The following DSCAML1 variants were observed in gnomAD, a reference collection of about 807,000 sequenced individuals.
DSCAML1 encodes the protein cell adhesion molecule DSCAML1.
Under a neutral mutation model 200.5 loss-of-function variants are expected in DSCAML1, and 38 were observed. The ratio of observed to expected loss-of-function variants is 0.19; its 90% CI spans 0.15 to 0.25. The LOEUF (loss-of-function observed/expected upper bound fraction) is 0.25. Ranked by LOEUF, DSCAML1 falls within the 10% of genes least tolerant of loss-of-function variation. DSCAML1 has a pLI of 1.00. For synonymous variants in DSCAML1, 1,215 were observed against 1,165.0 expected (o/e 1.04, Z -0.87); for missense variants, 2,223 against 2,858.8 (o/e 0.78, Z 5.07).
At chr11:117,601,882 G>A (rs2051472061) in intron 3 of DSCAML1, among the ~76,000 whole-genome samples, 1 of 152,226 alleles carries the variant, frequency 6.6e-6, no homozygotes, top group Non-Finnish European at 1.5e-5. Flanking sequence ...GGGACCCGAG[G>A]GGTCTAGGCC....
chr11:117,505,484 C>T lies in DSCAML1; in HGVS notation c.2032G>A (p.Val678Met), dbSNP rs1167452831. 3.1e-6 allele frequency: 5 copies of T among 1,612,266 alleles called. No individual in the cohort carries two copies. Among genetic ancestry groups the T allele is most frequent in the Non-Finnish European group, 4.2e-6 (5 of 1,179,986 alleles). The part of the protein sequence containing the change: ...TCIASNAAAT[V>M]SRERQLIVRV... ...ACGATGAGCTGGCGCTCCCGGCTCACGGTGGCGGCTGCGTTGCTGGCGATG... is the reference window on the plus strand; with the variant it reads ...ACGATGAGCTGGCGCTCCCGGCTCATGGTGGCGGCTGCGTTGCTGGCGATG... The change falls in exon 9 of 33, where the codon GTG becomes ATG. Residue 678 changes from valine (V) to methionine (M), a missense_variant. Val to Met is a conservative substitution (Grantham distance 21, BLOSUM62 1). Coordinates refer to ENST00000651296, the MANE Select transcript of DSCAML1 (RefSeq NM_020693.4). The surrounding 1 kb of genome is among the most constrained non-coding windows in gnomAD (Gnocchi z 6.7).
rs371788784 is a variant in DSCAML1, at chr11:117,740,365, T to C, written c.511+36426A>G. ...ATACTCTTTCCCCATTAGTGTTCTATCTACATCTAACATTAAGGTGACCAA... is the reference window on the plus strand; with the variant it reads ...ATACTCTTTCCCCATTAGTGTTCTACCTACATCTAACATTAAGGTGACCAA... On this transcript the variant is annotated intron_variant, in intron 3 of 32. Coordinates refer to ENST00000651296, the MANE Select transcript of DSCAML1 (RefSeq NM_020693.4). Among the ~76,000 whole-genome samples, 3 of 152,322 alleles carry C rather than the reference T, an allele frequency of 2.0e-5. No individual in the cohort carries two copies. In the East Asian group the frequency reaches 5.8e-4, roughly 29 times the overall value.
chr11:117,560,993 T>C (rs475422), intron 3 of DSCAML1, among the ~76,000 whole-genome samples: 34,418 of 152,022 alleles, frequency 0.23, 4,159 homozygotes, highest in South Asian at 0.44. Context: ...GGGATAGAGA[T>C]GGAGGGCGGG....
chr11:117,431,548 A>G lies in DSCAML1; in HGVS notation c.5360T>C (p.Leu1787Pro). 2 of 1,582,142 alleles carry G rather than the reference A, an allele frequency of 1.3e-6. No individual in the cohort carries two copies. The highest frequency in any genetic ancestry group is 1.7e-6 in the Non-Finnish European group (2 of 1,162,022). Reference protein sequence around the residue: ...VTESDSYSASLSQDTDKGRNS... With the variant: ...VTESDSYSASPSQDTDKGRNS... ...CTTAGGCACACCTGTGTCCTGGGAC[A>G]GGCTGGCACTGTAGCTGTCACTCTC... The change falls in exon 31 of 33, where the codon CTG (leucine) becomes CCG (proline). Residue 1787 changes from leucine (L) to proline (P), a missense_variant. This residue lies in a region of DSCAML1 where 96 missense variants were observed against 160.7 expected (regional missense o/e 0.60). Transcript: ENST00000651296.
intron 3 of DSCAML1, among the ~76,000 whole-genome samples, chr11:117,602,223 A>T (rs1248723346): frequency 6.6e-6 from 1 of 152,208 alleles, no homozygotes; most frequent in African/African-American, 2.4e-5. Context: ...AAGGTGTCTG[A>T]CTTGGTGCCA....
chr11:117,482,484 A>G (rs1433895657), intron 11 of DSCAML1, among the ~76,000 whole-genome samples: 1 of 152,254 alleles, frequency 6.6e-6, no homozygotes, highest in Admixed American at 6.5e-5. Context: ...TATTAAAAAC[A>G]TGAACAAGCA....
At chr11:117,558,126 AGT>A (rs1369630132) in intron 3 of DSCAML1, among the ~76,000 whole-genome samples, 1 of 152,146 alleles carries the variant, frequency 6.6e-6, no homozygotes, top group Non-Finnish European at 1.5e-5. Context: ...AGGTTTAGCC[AGT>A]GTCTCCCAGG....
rs189837053 is a variant in DSCAML1 at position 117,442,485 on chromosome 11, G to T, written c.3862+1401C>A. Among the ~76,000 whole-genome samples, 4 of 152,172 alleles carry T rather than the reference G, an allele frequency of 2.6e-5. No homozygotes were observed. The East Asian group carries it at 7.7e-4, about 29-fold the overall frequency. ...CGTGCATATGCATGTGTTTGTGCGT[G>T]TGCACATGTATGAGTGTGCAGTGTG... On this transcript the variant is annotated intron_variant, in intron 21 of 32. Transcript: ENST00000651296.
intron 3 of DSCAML1, among the ~76,000 whole-genome samples, chr11:117,646,868 C>T (rs1415122920): frequency 6.7e-6 from 1 of 148,422 alleles, no homozygotes; most frequent in Non-Finnish European, 1.5e-5. Context: ...AAAAAAAAAA[C>T]AAATCCAGAA....
chr11:117,537,121 A>G (rs2050186291), intron 3 of DSCAML1, among the ~76,000 whole-genome samples: 1 of 120,482 alleles, frequency 8.3e-6, no homozygotes, highest in Non-Finnish European at 1.7e-5. Flanking sequence ...CTCTCCTAGA[A>G]TGACAGCACC....
intron 2 of DSCAML1, among the ~76,000 whole-genome samples, chr11:117,778,232 T>C (rs1268941544): frequency 1.3e-5 from 2 of 152,306 alleles, no homozygotes; most frequent in Non-Finnish European, 2.9e-5. Flanking sequence ...GAGGCACTGG[T>C]GGCTCTGTGG....
intron 3 of DSCAML1, among the ~76,000 whole-genome samples, chr11:117,757,414 G>A (rs1355477084): frequency 6.6e-6 from 1 of 152,002 alleles, no homozygotes; most frequent in Non-Finnish European, 1.5e-5. Context: ...AAGGGGTGCT[G>A]GATATCCCAA....
At position 117,763,545 on chromosome 11, in the gene DSCAML1, C is replaced by A. The variant is rs558731510; in HGVS notation, c.511+13246G>T. On this transcript the variant is annotated intron_variant, in intron 3 of 32. Coordinates refer to ENST00000651296, the MANE Select transcript of DSCAML1 (RefSeq NM_020693.4). ...CAAAATCTTCACTGGCTCCCCATTG[C>A]CCTTCGATACATACAACTCACGCAG... 8.5e-5 allele frequency among the ~76,000 whole-genome samples: 13 copies of A among 152,276 alleles called. No homozygotes were observed. In the South Asian group the frequency reaches 2.7e-3, roughly 32 times the overall value.
intron 14 of DSCAML1, among the ~76,000 whole-genome samples, chr11:117,472,710 G>C (rs193078837): frequency 1.3e-5 from 2 of 152,122 alleles, no homozygotes; most frequent in African/African-American, 4.8e-5. Context: ...TCTATCTCAC[G>C]GCTGATGTTT....
chr11:117,542,904 G>C (rs1378370735), intron 3 of DSCAML1, among the ~76,000 whole-genome samples: 2 of 152,202 alleles, frequency 1.3e-5, no homozygotes, highest in Non-Finnish European at 2.9e-5. Context: ...CTCCAACCCT[G>C]CTGCCAGGAA....
rs1466830874 is a variant in DSCAML1 at position 117,678,409 on chromosome 11, T to C, written c.511+98382A>G. Among the ~76,000 whole-genome samples, 5 of 152,358 alleles carry C rather than the reference T, an allele frequency of 3.3e-5. No homozygotes were observed. In the East Asian group the frequency reaches 5.8e-4, roughly 18 times the overall value. On this transcript the variant is annotated intron_variant, in intron 3 of 32. Coordinates refer to ENST00000651296, the MANE Select transcript of DSCAML1 (RefSeq NM_020693.4). ...GAAACTGTTTTAGGACATGAGGATATGGCAAAGAATAAAATGGACAAAATC... is the reference window on the plus strand; with the variant it reads ...GAAACTGTTTTAGGACATGAGGATACGGCAAAGAATAAAATGGACAAAATC...
intron 3 of DSCAML1, among the ~76,000 whole-genome samples, chr11:117,659,807 C>T (rs1431543707): frequency 6.6e-6 from 1 of 152,102 alleles, no homozygotes; most frequent in African/African-American, 2.4e-5. Context: ...CAACCTCCAT[C>T]TCCTGGGTTC....
intron 3 of DSCAML1, among the ~76,000 whole-genome samples, chr11:117,711,643 T>C (rs76649427): frequency 0.01 from 1,544 of 152,274 alleles, 23 homozygotes; most frequent in African/African-American, 0.034. Flanking sequence ...TTTACTCAAA[T>C]ATCTGCAATT....
chr11:117,706,927 C>T (rs1025336481), intron 3 of DSCAML1, among the ~76,000 whole-genome samples: 19 of 152,206 alleles, frequency 1.2e-4, no homozygotes, highest in Non-Finnish European at 2.5e-4. Flanking sequence ...GAGGCGACCA[C>T]ACACCTTCCT....
Sources: allele counts gnomAD v4.1 joint callset (sites outside exome capture counted in the v4.1 genomes callset), GRCh38; gene constraint gnomAD v4.1.1; regional missense constraint gnomAD v4.1.1; non-coding constraint Gnocchi (gnomAD v3.1); transcripts MANE v1.5; gene names NCBI Gene and HGNC (gene_info 2026-07-23, HGNC 2026-07-21).